WDR70: variants seen among roughly 807,000 people sequenced by gnomAD.
WDR70 encodes the protein WD repeat-containing protein 70.
In WDR70, 53 loss-of-function variants were observed where a neutral mutation model predicts 88.6. That is an observed-to-expected ratio of 0.60 (90% confidence interval 0.48 to 0.75). The LOEUF is 0.75. Ranked by LOEUF, WDR70 falls within the 30% of genes least tolerant of loss-of-function variation. WDR70 has a pLI of 0.00. For synonymous variants in WDR70, 280 were observed against 270.0 expected, an observed-to-expected ratio of 1.04 and a Z score of -0.36; for missense variants, 610 against 823.2, an observed-to-expected ratio of 0.74 and a Z score of 3.17.
chr5:37,745,925 C>G (rs1748625214), intron 17 of WDR70, among the ~76,000 whole-genome samples: 1 of 152,140 alleles, frequency 6.6e-6, no homozygotes, highest in Admixed American at 6.5e-5. Context: ...TCAAATGGAC[C>G]TAGTAGACGT....
At chr5:37,592,105 GTT>G (rs1743547137) in intron 9 of WDR70, among the ~76,000 whole-genome samples, 1 of 152,156 alleles carries the variant, frequency 6.6e-6, no homozygotes. Context: ...GCTCAGAAGT[GTT>G]CTGGGTTTGG....
chr5:37,587,578 G>A (rs1338147900), intron 9 of WDR70, among the ~76,000 whole-genome samples: 1 of 151,870 alleles, frequency 6.6e-6, no homozygotes, highest in African/African-American at 2.4e-5. Context: ...CTCATGAGGC[G>A]ATGGCATGTT....
At chr5:37,718,630 C>T (rs1458162950) in intron 13 of WDR70, among the ~76,000 whole-genome samples, 1 of 152,146 alleles carries the variant, frequency 6.6e-6, no homozygotes, top group Non-Finnish European at 1.5e-5. Flanking sequence ...AACCCTGCTA[C>T]ATTTGTAGGA....
chr5:37,404,069 G>T (rs571426167), intron 5 of WDR70, among the ~76,000 whole-genome samples: 8 of 152,288 alleles, frequency 5.3e-5, no homozygotes, highest in African/African-American at 1.4e-4. Flanking sequence ...CTGAATGTAA[G>T]AATCAGCTTT....
chr5:37,543,952 A>C (rs1741909236), intron 9 of WDR70, among the ~76,000 whole-genome samples: 1 of 151,962 alleles, frequency 6.6e-6, no homozygotes, highest in Non-Finnish European at 1.5e-5. Flanking sequence ...TTGTATTTTT[A>C]ATGGAGACGG....
At chr5:37,486,359 T>TG (rs1258272018) in intron 8 of WDR70, among the ~76,000 whole-genome samples, 1 of 151,762 alleles carries the variant, frequency 6.6e-6, no homozygotes, top group African/African-American at 2.4e-5. Flanking sequence ...TTTTTTTTTT[T>TG]GAGACAGAGT....
chr5:37,437,878 ATATGT>A, intron 5 of WDR70, 39 bp from the exon 6 acceptor site: 1 of 1,565,684 alleles, frequency 6.4e-7, no homozygotes, highest in Non-Finnish European at 8.7e-7. Flanking sequence ...TTCCCCACAA[ATATGT>A]TATTTTACCA....
intron 17 of WDR70, among the ~76,000 whole-genome samples, chr5:37,734,582 TAA>T (rs1393998534): frequency 6.6e-6 from 1 of 151,966 alleles, no homozygotes; most frequent in Non-Finnish European, 1.5e-5. Flanking sequence ...ATCCCTTTTA[TAA>T]AAAGATAAAA....
chr5:37,519,001 G>C lies in WDR70; in HGVS notation c.917+2411G>C, dbSNP rs531887680. On this transcript the variant is annotated intron_variant, in intron 9 of 17. Transcript: ENST00000265107. The stretch of plus-strand genomic sequence containing the variant: ...CACATGTTTCAGAGAGCACGGGGTT[G>C]GGGGTAAGGTTATAGATTAACAGCA... Among the ~76,000 whole-genome samples, 187 of 152,180 alleles carry C rather than the reference G, an allele frequency of 1.2e-3. 2 individuals are homozygous for C. The highest frequency in any genetic ancestry group is 6.8e-3 in the East Asian group (35 of 5,180).
intron 10 of WDR70, among the ~76,000 whole-genome samples, chr5:37,646,050 T>A (rs781013667): frequency 2.6e-5 from 4 of 152,056 alleles, no homozygotes; most frequent in Non-Finnish European, 4.4e-5. Flanking sequence ...CCTTCTTTCC[T>A]TCTTTCTTTC....
intron 8 of WDR70, among the ~76,000 whole-genome samples, chr5:37,481,354 C>G (rs910562434): frequency 3.9e-5 from 6 of 152,184 alleles, no homozygotes; most frequent in African/African-American, 1.4e-4. Context: ...CTGCAGCAAA[C>G]TTTTGCCTGG....
At chr5:37,687,775 T>C (rs1278237510) in intron 10 of WDR70, 1 of 425,062 alleles carries the variant, frequency 2.4e-6, no homozygotes, top group Non-Finnish European at 4.2e-6. Context: ...AACAGATTAC[T>C]TTTTCTTTAC....
chr5:37,479,039 T>C (rs1170278341), intron 7 of WDR70, among the ~76,000 whole-genome samples: 1 of 151,814 alleles, frequency 6.6e-6, no homozygotes, highest in East Asian at 1.9e-4. Flanking sequence ...AGAGAGAAGA[T>C]AGTAGAAGTT....
At chr5:37,446,472 G>T (rs577847861) in intron 7 of WDR70, among the ~76,000 whole-genome samples, 1 of 152,060 alleles carries the variant, frequency 6.6e-6, no homozygotes. Context: ...AAAAGAGCCC[G>T]CATCGCCAAG....
At chr5:37,629,302 G>C (rs921648741) in intron 10 of WDR70, among the ~76,000 whole-genome samples, 4 of 152,070 alleles carry the variant, frequency 2.6e-5, no homozygotes, top group African/African-American at 9.7e-5. Context: ...GAGCTCCCTG[G>C]ACCTAAATGC....
chr5:37,658,865 C>A (rs1423424119), intron 10 of WDR70, among the ~76,000 whole-genome samples: 2 of 152,136 alleles, frequency 1.3e-5, no homozygotes, highest in African/African-American at 2.4e-5. Context: ...TATTTTAATA[C>A]AAAATTAAAC....
chr5:37,552,571 T>A (rs1487278673), intron 9 of WDR70, among the ~76,000 whole-genome samples: 1 of 152,188 alleles, frequency 6.6e-6, no homozygotes, highest in African/African-American at 2.4e-5. Flanking sequence ...ATGGTTACCT[T>A]TTGTTTGAGT....
chr5:37,535,190 C>T (rs538233142), intron 9 of WDR70, among the ~76,000 whole-genome samples: 203 of 150,582 alleles, frequency 1.3e-3, no homozygotes, highest in African/African-American at 4.5e-3. Flanking sequence ...GTCTACTGCA[C>T]GTAGAGTAGT....
chr5:37,658,533 T>A (rs2112572387), intron 10 of WDR70, among the ~76,000 whole-genome samples: 1 of 152,142 alleles, frequency 6.6e-6, no homozygotes, highest in Non-Finnish European at 1.5e-5. Flanking sequence ...CTAGTTATCT[T>A]TCAAAACCCC....
Sources: allele counts gnomAD v4.1 joint callset (sites outside exome capture counted in the v4.1 genomes callset), GRCh38; gene constraint gnomAD v4.1.1; transcripts MANE v1.5; gene names NCBI Gene and HGNC (gene_info 2026-07-23, HGNC 2026-07-21).